Variants in DOCK2 observed in about 807,000 individuals in gnomAD.
DOCK2 encodes the protein dedicator of cytokinesis protein 2.
In DOCK2, 87 loss-of-function variants were observed where a neutral mutation model predicts 248.9. The ratio of observed to expected loss-of-function variants is 0.35; its 90% confidence interval spans 0.29 to 0.42. The LOEUF is 0.42. DOCK2 is among the 10% of genes least tolerant of loss of function. DOCK2 has a pLI of 1.00. For synonymous variants in DOCK2, 805 were observed against 821.6 expected, an observed-to-expected ratio of 0.98 and a Z score of 0.35; for missense variants, 1,747 against 2,300.2, an observed-to-expected ratio of 0.76 and a Z score of 4.92.
intron 27 of DOCK2, among the ~76,000 whole-genome samples, chr5:169,903,621 T>C (rs868319994): frequency 6.6e-6 from 1 of 151,882 alleles, no homozygotes; most frequent in Non-Finnish European, 1.5e-5. Context: ...CCTCCAAGTA[T>C]GGAGATAAGA....
At chr5:169,717,337 T>C (rs547204175) in intron 20 of DOCK2, 47 bp from the exon 21 acceptor site, 2 of 1,541,004 alleles carry the variant, frequency 1.3e-6, no homozygotes, top group African/African-American at 1.4e-5. Flanking sequence ...GATGGCTTCC[T>C]GCCCTGGGTT....
At chr5:169,957,112 A>G (rs1304631529) in intron 27 of DOCK2, among the ~76,000 whole-genome samples, 2 of 152,124 alleles carry the variant, frequency 1.3e-5, no homozygotes, top group South Asian at 2.1e-4. Flanking sequence ...CAGTAATAAG[A>G]CTGTCAGTGC....
intron 40 of DOCK2, 108 bp from the exon 41 acceptor site, chr5:170,050,148 C>G: frequency 7.0e-7 from 1 of 1,420,344 alleles, no homozygotes; most frequent in South Asian, 1.3e-5. Flanking sequence ...GAGTGATGCA[C>G]TGGACATCCC....
rs762104598 is a variant in DOCK2 at position 169,699,987 on chromosome 5, T to C, written c.1133-27T>C. The C allele has an allele frequency of 9.3e-6, 15 of 1,612,246 alleles. No individual in the cohort carries two copies. The Admixed American group carries it at 1.8e-4, about 20-fold the overall frequency. On this transcript the variant is annotated intron_variant, in intron 12 of 51. Coordinates refer to ENST00000520908, the MANE Select transcript of DOCK2 (RefSeq NM_004946.3). ...TGAGGGGTCACTTGCAAAAGTGGGC[T>C]CTTCACGGTGAGCTGTTCCTTTGCA...
At chr5:169,650,361 A>T (rs1450866288) in intron 1 of DOCK2, among the ~76,000 whole-genome samples, 1 of 152,194 alleles carries the variant, frequency 6.6e-6, no homozygotes, top group African/African-American at 2.4e-5. Context: ...TATATATCTT[A>T]TTAGGTGGAG....
chr5:169,844,160 C>T (rs1732064881), intron 27 of DOCK2, among the ~76,000 whole-genome samples: 1 of 152,010 alleles, frequency 6.6e-6, no homozygotes, highest in South Asian at 2.1e-4. Context: ...ATGAGAAAAA[C>T]CTGGAATTAT....
intron 14 of DOCK2, chr5:169,702,632 G>A: frequency 4.0e-6 from 2 of 502,994 alleles, no homozygotes; most frequent in South Asian, 3.5e-5. Context: ...CACCAAAGCA[G>A]TTTTTCAATG....
intron 22 of DOCK2, among the ~76,000 whole-genome samples, chr5:169,737,890 T>A (rs1218965350): frequency 1.3e-5 from 2 of 152,166 alleles, no homozygotes; most frequent in Non-Finnish European, 2.9e-5. Flanking sequence ...TCTAGCAAGT[T>A]AATCAAACCC....
chr5:169,736,916 C>T (rs529851297), intron 22 of DOCK2, among the ~76,000 whole-genome samples: 24 of 152,220 alleles, frequency 1.6e-4, no homozygotes, highest in Admixed American at 5.9e-4. Context: ...CAACACATAT[C>T]GAGTAGGCCA....
At position 169,964,612 on chromosome 5, in the gene DOCK2, A is replaced by G. The variant is rs369589543; in HGVS notation, c.2800-18456A>G. Among the ~76,000 whole-genome samples, 15 of 152,324 alleles carry G rather than the reference A, an allele frequency of 9.8e-5. No homozygotes were observed. The South Asian group carries it at 3.1e-3, about 32-fold the overall frequency. ...AGAAAGGGCCACCCTTGAAGGGGCC[A>G]TGGTCAAAGTTGGTAAGCCAAAAGT... On this transcript the variant is annotated intron_variant, in intron 27 of 51. Coordinates refer to ENST00000520908, the MANE Select transcript of DOCK2 (RefSeq NM_004946.3).
intron 35 of DOCK2, among the ~76,000 whole-genome samples, chr5:170,034,851 C>A (rs1756268616): frequency 6.6e-6 from 1 of 152,154 alleles, no homozygotes; most frequent in African/African-American, 2.4e-5. Flanking sequence ...AGAGTATGAG[C>A]TTTGGAGTCA....
At chr5:169,725,036 G>T (rs1762401141) in intron 22 of DOCK2, among the ~76,000 whole-genome samples, 1 of 152,170 alleles carries the variant, frequency 6.6e-6, no homozygotes, top group Admixed American at 6.5e-5. Context: ...TATTGTTCAT[G>T]TATGAATAAA....
At chr5:169,893,342 C>A (rs1472686646) in intron 27 of DOCK2, among the ~76,000 whole-genome samples, 1 of 152,180 alleles carries the variant, frequency 6.6e-6, no homozygotes, top group Non-Finnish European at 1.5e-5. Flanking sequence ...CCAATTCATC[C>A]AGCTTCTCAT....
chr5:169,900,382 G>A (rs1561807507), intron 27 of DOCK2, among the ~76,000 whole-genome samples: 1 of 152,308 alleles, frequency 6.6e-6, no homozygotes, highest in East Asian at 1.9e-4. Context: ...CTTGAGTCTA[G>A]ACGTGAAATG....
chr5:170,021,778 C>G (rs992158789), intron 33 of DOCK2, among the ~76,000 whole-genome samples: 1 of 152,130 alleles, frequency 6.6e-6, no homozygotes, highest in Admixed American at 6.5e-5. Flanking sequence ...TACGCCGGCC[C>G]AGGCATGGTT....
intron 25 of DOCK2, among the ~76,000 whole-genome samples, chr5:169,781,318 G>A (rs939610949): frequency 4.6e-5 from 7 of 152,146 alleles, no homozygotes; most frequent in South Asian, 2.1e-4. Context: ...TGAATGAAAC[G>A]ATGTTATTCA....
At chr5:169,835,749 G>T (rs1456616768) in intron 26 of DOCK2, among the ~76,000 whole-genome samples, 1 of 151,794 alleles carries the variant, frequency 6.6e-6, no homozygotes, top group Non-Finnish European at 1.5e-5. Flanking sequence ...TCGTTTGTTT[G>T]GGGGTTTGGA....
At chr5:169,747,563 T>G in intron 23 of DOCK2, 59 bp downstream of exon 23, 3 of 1,421,128 alleles carry the variant, frequency 2.1e-6, no homozygotes, top group Non-Finnish European at 2.9e-6. Context: ...AATAACAGCA[T>G]GCTAAGATAA....
intron 27 of DOCK2, among the ~76,000 whole-genome samples, chr5:169,967,184 A>G (rs1305475320): frequency 6.6e-6 from 1 of 152,240 alleles, no homozygotes; most frequent in African/African-American, 2.4e-5. Context: ...CATCAGTGCC[A>G]TGAAAGTGAT....
Sources: allele counts gnomAD v4.1 joint callset (sites outside exome capture counted in the v4.1 genomes callset), GRCh38; gene constraint gnomAD v4.1.1; transcripts MANE v1.5; gene names NCBI Gene and HGNC (gene_info 2026-07-23, HGNC 2026-07-21).